The following ARSG variants were observed in gnomAD, a reference collection of about 807,000 sequenced individuals.
ARSG encodes arylsulfatase G, also known as ASG.
Under a neutral mutation model 50.5 loss-of-function variants are expected in ARSG, and 37 were observed. The observed-to-expected ratio is 0.73, with a 90% confidence interval of 0.56 to 0.96. The LOEUF is 0.96. Ranked by LOEUF, ARSG falls within the 50% of genes least tolerant of loss-of-function variation. ARSG has a pLI of 0.00. For missense variants in ARSG, 629 were observed against 675.3 expected, an observed-to-expected ratio of 0.93 and a Z score of 0.76; for synonymous variants, 225 against 254.6, an observed-to-expected ratio of 0.88 and a Z score of 1.11.
At chr17:68,421,904 G>T, downstream of ARSG, 1 of 1,558,238 alleles carries the variant, frequency 6.4e-7, no homozygotes, top group Non-Finnish European at 8.8e-7. Context: ...CTGTGCCCAT[G>T]CAGAGTGAGC....
chr17:68,343,408 C>T (rs555609927), intron 2 of ARSG, among the ~76,000 whole-genome samples, 196 bp from the exon 3 acceptor site: 6 of 152,310 alleles, frequency 3.9e-5, no homozygotes, highest in African/African-American at 7.2e-5. Flanking sequence ...CCTCCCACCT[C>T]GGCCTCTCAA....
At chr17:68,421,691 G>T, downstream of ARSG, 1 of 1,589,928 alleles carries the variant, frequency 6.3e-7, no homozygotes, top group Non-Finnish European at 8.6e-7. Flanking sequence ...TCACACAATT[G>T]CACTCCATTC....
chr17:68,268,898 A>G, intron 1 of ARSG: 1 of 1,273,010 alleles, frequency 7.9e-7, no homozygotes, highest in South Asian at 1.6e-5. Context: ...CTTTAAAAAC[A>G]AGCAAAAAAA....
chr17:68,331,237 C>T (rs62087158), intron 2 of ARSG, among the ~76,000 whole-genome samples: 4 of 72,788 alleles, frequency 5.5e-5, no homozygotes, highest in Admixed American at 1.6e-4. Context: ...TTCTTTGTTT[C>T]TTTCTTTCTT....
the ARSG span, among the ~76,000 whole-genome samples, chr17:68,446,935 C>T: frequency 4.3e-4 from 65 of 152,290 alleles, no homozygotes; most frequent in Non-Finnish European, 7.9e-4. Flanking sequence ...TGGGAGGGAA[C>T]GAGGATGCAC....
At chr17:68,373,009 A>G (rs562073951) in intron 8 of ARSG, among the ~76,000 whole-genome samples, 2 of 146,732 alleles carry the variant, frequency 1.4e-5, no homozygotes, top group Admixed American at 7.1e-5. Context: ...CTCCTACCTC[A>G]GTCTCCCAAG....
At chr17:68,329,137 C>T (rs1294632354) in intron 2 of ARSG, among the ~76,000 whole-genome samples, 1 of 152,190 alleles carries the variant, frequency 6.6e-6, no homozygotes, top group Non-Finnish European at 1.5e-5. Context: ...GAGCTGAAGT[C>T]CAGCTGACCA....
At chr17:68,379,153 G>A (rs774809886) in intron 8 of ARSG, among the ~76,000 whole-genome samples, 1 of 152,192 alleles carries the variant, frequency 6.6e-6, no homozygotes, top group Non-Finnish European at 1.5e-5. Context: ...CTGAATAGAG[G>A]CCAGGCCGCC....
intron 2 of ARSG, among the ~76,000 whole-genome samples, chr17:68,343,167 C>T (rs529430654): frequency 1.3e-5 from 2 of 151,800 alleles, no homozygotes; most frequent in Admixed American, 1.3e-4. Flanking sequence ...GTTTTGTTTT[C>T]TTTTTTGAGA....
At chr17:68,402,663 T>A (rs1340274108) in intron 11 of ARSG, among the ~76,000 whole-genome samples, 1 of 152,144 alleles carries the variant, frequency 6.6e-6, no homozygotes. Context: ...TAGCTGGGAC[T>A]ACAGGTGCCC....
intron 1 of ARSG, among the ~76,000 whole-genome samples, chr17:68,297,149 C>G (rs2076237253): frequency 6.6e-6 from 1 of 152,208 alleles, no homozygotes; most frequent in Admixed American, 6.5e-5. Flanking sequence ...GCATCCTGGA[C>G]AAAGAGTTCT....
chr17:68,448,668 G>A, the ARSG span, among the ~76,000 whole-genome samples: 11 of 152,202 alleles, frequency 7.2e-5, no homozygotes, highest in African/African-American at 7.2e-5. Context: ...TGAGGGTTCC[G>A]GTCTTTACAG....
intron 10 of ARSG, 147 bp downstream of exon 10, chr17:68,395,340 C>A: frequency 1.6e-6 from 2 of 1,278,348 alleles, no homozygotes; most frequent in Non-Finnish European, 2.1e-6. Flanking sequence ...GTAATCCCAG[C>A]ACTTTAGGAG....
intron 2 of ARSG, among the ~76,000 whole-genome samples, chr17:68,308,078 A>G (rs183035435): frequency 6.6e-6 from 1 of 152,018 alleles, no homozygotes; most frequent in East Asian, 1.9e-4. Flanking sequence ...CTCAGGTGGG[A>G]GGTTCACCTG....
At position 68,307,633 on chromosome 17, in the gene ARSG, G is replaced by A. The variant is rs915603905; in HGVS notation, c.140G>A (p.Gly47Glu). Residue 47 changes from glycine to glutamate, a missense_variant, in exon 2 of 12, where the codon GGG becomes GAG. Gly to Glu is a moderately conservative substitution (Grantham distance 98, BLOSUM62 -2). Coordinates refer to ENST00000621439, the MANE Select transcript of ARSG (RefSeq NM_001267727.2). Reference sequence around the variant, plus strand: ...GTGATTATTTTGGCCGATGACATGGGGTGGGGTGACCTGGGAGCAAACTGG... The same window carrying A: ...GTGATTATTTTGGCCGATGACATGGAGTGGGGTGACCTGGGAGCAAACTGG... The part of the protein sequence containing the change: ...NFVIILADDM[G>E]WGDLGANWAE... 2.5e-6 allele frequency: 4 copies of A among 1,613,284 alleles called. No homozygotes were observed. Among genetic ancestry groups the A allele is most frequent in the East Asian group, 2.2e-5 (1 of 44,878 alleles).
chr17:68,262,244 G>A (rs1345147098), intron 1 of ARSG, among the ~76,000 whole-genome samples: 8 of 151,970 alleles, frequency 5.3e-5, no homozygotes, highest in African/African-American at 9.7e-5. Flanking sequence ...GGCTGAGGTC[G>A]GCGGATCACG....
chr17:68,284,567 G>A (rs2075799704), intron 1 of ARSG, among the ~76,000 whole-genome samples: 1 of 152,104 alleles, frequency 6.6e-6, no homozygotes, highest in Admixed American at 6.5e-5. Context: ...AAAGTAGAAG[G>A]CAACTGAAAA....
intron 2 of ARSG, among the ~76,000 whole-genome samples, chr17:68,333,981 G>T (rs535801690): frequency 6.6e-6 from 1 of 152,136 alleles, no homozygotes; most frequent in Non-Finnish European, 1.5e-5. Context: ...GTGATGGAGG[G>T]AAGAAAGCCT....
At chr17:68,262,228 T>C (rs1281712849) in intron 1 of ARSG, among the ~76,000 whole-genome samples, 3 of 151,608 alleles carry the variant, frequency 2.0e-5, no homozygotes, top group Non-Finnish European at 2.9e-5. Flanking sequence ...TCCCAGCACT[T>C]TGGGAGGCTG....
Sources: gnomAD v4.1 joint callset for allele counts (sites outside exome capture counted in the v4.1 genomes callset) on GRCh38, gnomAD v4.1.1 for gene constraint, MANE v1.5 for transcripts, NCBI Gene and HGNC (gene_info 2026-07-23, HGNC 2026-07-21) for gene names.